Variants in NTN1 observed in about 807,000 individuals in gnomAD.
NTN1 encodes netrin 1, also known as netrin-1.
In NTN1, 11 loss-of-function variants were observed where a neutral mutation model predicts 54.2. The observed-to-expected ratio is 0.20, with a 90% confidence interval of 0.13 to 0.34. NTN1 has a LOEUF of 0.34. Ranked by LOEUF, NTN1 falls within the 10% of genes least tolerant of loss-of-function variation. NTN1 has a pLI of 1.00. For synonymous variants in NTN1, 371 were observed against 382.0 expected (o/e 0.97, Z 0.33); for missense variants, 740 against 893.1 (o/e 0.83, Z 2.18).
chr17:9,086,225 G>A (rs60679024), intron 2 of NTN1, among the ~76,000 whole-genome samples: 15,376 of 152,128 alleles, frequency 0.1, 1,340 homozygotes, highest in African/African-American at 0.23. Context: ...CAAATAAGCC[G>A]AGTGCAGTGG....
intron 2 of NTN1, among the ~76,000 whole-genome samples, chr17:9,049,700 C>T (rs1432414420): frequency 2.0e-5 from 3 of 152,112 alleles, no homozygotes; most frequent in Non-Finnish European, 4.4e-5. Context: ...ACTAAGGAGA[C>T]GTGAGACCAA....
In NTN1 at chr17:9,212,711, A is replaced by G. The variant is rs1264260172; in HGVS notation, c.1412-8457A>G. 1.3e-5 allele frequency among the ~76,000 whole-genome samples: 2 copies of G among 152,178 alleles called. No individual in the cohort carries two copies. The highest frequency in any genetic ancestry group is 2.9e-5 in the Non-Finnish European group (2 of 68,022). ...TTTCTCTGCCCGGGGAGGACAGACC[A>G]TGTTGGCTGGGTGTCCCTCACTCAT... On this transcript the variant is annotated intron_variant, in intron 5 of 6. Transcript: ENST00000173229. The surrounding 1 kb of genome is among the most constrained non-coding windows in gnomAD (Gnocchi z 5.5).
chr17:9,132,093 G>T (rs2092267627), intron 2 of NTN1, among the ~76,000 whole-genome samples: 1 of 151,958 alleles, frequency 6.6e-6, no homozygotes, highest in African/African-American at 2.4e-5. Flanking sequence ...GTCCGCGCAG[G>T]AGTTAGACCA....
chr17:9,027,632 G>C (rs1330211798), intron 2 of NTN1, among the ~76,000 whole-genome samples: 1 of 152,086 alleles, frequency 6.6e-6, no homozygotes, highest in Non-Finnish European at 1.5e-5. Flanking sequence ...CCCTGGTTGT[G>C]TTGCATTATG....
the NTN1 span, among the ~76,000 whole-genome samples, chr17:9,012,049 A>G: frequency 2.0e-5 from 3 of 152,174 alleles, no homozygotes; most frequent in African/African-American, 7.2e-5. Context: ...CCTTCCTCAG[A>G]CGCTATGAAA....
At chr17:9,087,884 C>T (rs980875737) in intron 2 of NTN1, among the ~76,000 whole-genome samples, 2 of 152,216 alleles carry the variant, frequency 1.3e-5, no homozygotes, top group Non-Finnish European at 2.9e-5. Context: ...GAGGTTAGAT[C>T]TAAGTCCTCC....
In NTN1 at chr17:9,239,858, G is replaced by A. The variant is rs767616324; in HGVS notation, c.1705G>A (p.Gly569Ser). 15 of 1,612,494 alleles carry A rather than the reference G, an allele frequency of 9.3e-6. No homozygotes were observed. In the South Asian group the frequency reaches 1.3e-4, roughly 14 times the overall value. Residue 569 changes from glycine (G) to serine (S), a missense_variant, in exon 7 of 7, where the codon GGC becomes AGC. Gly to Ser is a moderately conservative substitution (Grantham distance 56). Transcript: ENST00000173229. This position sits in a 1 kb window ranked among gnomAD's most constrained non-coding sequence, Gnocchi z 5.2. The part of the protein sequence containing the change: ...GNAEDSPDQS[G>S]IVADKSSLVI... Reference sequence around the variant, plus strand: ...CGCGGAGGACTCTCCGGACCAGAGCGGCATCGTGGCCGATAAAAGCAGCCT... The same window carrying A: ...CGCGGAGGACTCTCCGGACCAGAGCAGCATCGTGGCCGATAAAAGCAGCCT...
chr17:9,213,799 C>T (rs1905161552), intron 5 of NTN1, among the ~76,000 whole-genome samples: 2 of 152,184 alleles, frequency 1.3e-5, no homozygotes. Flanking sequence ...ATCCAGACAT[C>T]TCTCATGACT....
chr17:9,193,005 T>C lies in NTN1; in HGVS notation c.1411+10036T>C, dbSNP rs971087002. Among the ~76,000 whole-genome samples, 7 of 142,836 alleles carry C rather than the reference T, an allele frequency of 4.9e-5. No individual in the cohort carries two copies. In the East Asian group the frequency reaches 1.5e-3, roughly 30 times the overall value. The allele number at this position is 142,836 out of a possible 152,430, so 93.7% of individuals were successfully genotyped here. On this transcript the variant is annotated intron_variant, in intron 5 of 6. Transcript: ENST00000173229. Reference sequence around the variant, plus strand: ...TGAGGCAGGAGAATCACTTGAACCCTGGAGGCGGAGGTTGCAGTGAGCCAG... The same window carrying C: ...TGAGGCAGGAGAATCACTTGAACCCCGGAGGCGGAGGTTGCAGTGAGCCAG...
chr17:9,123,771 TTTGA>T (rs1035406481), intron 2 of NTN1, among the ~76,000 whole-genome samples: 3 of 152,182 alleles, frequency 2.0e-5, no homozygotes, highest in African/African-American at 4.8e-5. Context: ...GGACTTTCTG[TTTGA>T]TTAAGTTTTC....
chr17:9,146,481 G>C (rs1041393150), intron 2 of NTN1, among the ~76,000 whole-genome samples: 1 of 152,146 alleles, frequency 6.6e-6, no homozygotes, highest in East Asian at 1.9e-4. Context: ...CCTCAAGGAG[G>C]GGACCACCTT....
At chr17:9,060,161 C>T (rs1262959337) in intron 2 of NTN1, among the ~76,000 whole-genome samples, 2 of 152,142 alleles carry the variant, frequency 1.3e-5, no homozygotes, top group Non-Finnish European at 2.9e-5. Flanking sequence ...TCCTCCTCTG[C>T]TACCCCAGAG....
At chr17:9,206,355 A>G (rs1904968145) in intron 5 of NTN1, among the ~76,000 whole-genome samples, 3 of 152,128 alleles carry the variant, frequency 2.0e-5, no homozygotes, top group Admixed American at 6.5e-5. Flanking sequence ...ACTCATTTGC[A>G]CCCTCTTGTT....
chr17:9,207,994 G>C (rs892482879), intron 5 of NTN1, among the ~76,000 whole-genome samples: 1 of 152,186 alleles, frequency 6.6e-6, no homozygotes, highest in Non-Finnish European at 1.5e-5. Context: ...GGCACTTTGG[G>C]AGGCTGAGGC....
intron 5 of NTN1, among the ~76,000 whole-genome samples, chr17:9,207,515 G>A (rs1261082120): frequency 1.3e-5 from 2 of 152,132 alleles, no homozygotes; most frequent in African/African-American, 2.4e-5. Flanking sequence ...ATGAGGAATC[G>A]GAGGTTCAGA....
At chr17:9,123,559 T>G (rs943093618) in intron 2 of NTN1, among the ~76,000 whole-genome samples, 1 of 152,246 alleles carries the variant, frequency 6.6e-6, no homozygotes, top group Non-Finnish European at 1.5e-5. Context: ...GATCCTAAGA[T>G]TCCATAAATG....
chr17:9,186,082 T>A (rs901485704), intron 5 of NTN1, among the ~76,000 whole-genome samples: 3 of 152,090 alleles, frequency 2.0e-5, no homozygotes, highest in Non-Finnish European at 4.4e-5. Flanking sequence ...TTCTCCCACA[T>A]CCCAGGCAGA....
chr17:9,103,827 T>C (rs1280813116), intron 2 of NTN1, among the ~76,000 whole-genome samples: 1 of 152,020 alleles, frequency 6.6e-6, no homozygotes, highest in Non-Finnish European at 1.5e-5. Context: ...GGCTCAAGCC[T>C]GTAATCCCAG....
chr17:9,149,856 T>C (rs1210165719), intron 2 of NTN1, among the ~76,000 whole-genome samples: 1 of 151,836 alleles, frequency 6.6e-6, no homozygotes, highest in Non-Finnish European at 1.5e-5. Context: ...TCACTTGAGG[T>C]AGGAGTTCGA....
Sources: allele counts gnomAD v4.1 joint callset (sites outside exome capture counted in the v4.1 genomes callset), GRCh38; gene constraint gnomAD v4.1.1; non-coding constraint Gnocchi (gnomAD v3.1); transcripts MANE v1.5; gene names NCBI Gene and HGNC (gene_info 2026-07-23, HGNC 2026-07-21).